TRA2B: variants seen among roughly 807,000 people sequenced by gnomAD.
TRA2B encodes transformer-2 protein homolog beta.
A neutral mutation model predicts 41.7 loss-of-function variants in TRA2B; 14 were observed. The observed-to-expected ratio is 0.34, with a 90% CI of 0.22 to 0.53. The LOEUF (loss-of-function observed/expected upper bound fraction) is 0.53. TRA2B is among the 20% of genes least tolerant of loss of function. The probability of loss-of-function intolerance (pLI) is 0.95; values close to 1 mark genes in which losing one functional copy is unlikely to be tolerated. For synonymous variants in TRA2B, 130 were observed against 128.8 expected, an observed-to-expected ratio of 1.01 and a Z score of -0.06; for missense variants, 167 against 396.8, an observed-to-expected ratio of 0.42 and a Z score of 4.92.
chr3:185,919,536 G>GT, intron 6 of TRA2B, 40 bp from the exon 7 acceptor site: 6 of 1,552,564 alleles, frequency 3.9e-6, no homozygotes, highest in South Asian at 1.2e-5. Flanking sequence ...CATTCAGTTT[G>GT]TAAGTTTTAA....
chr3:185,936,840 C>G, intron 1 of TRA2B: 2 of 985,370 alleles, frequency 2.0e-6, no homozygotes, highest in African/African-American at 3.5e-5. Flanking sequence ...CCCCACAGAC[C>G]AGCTACGTAT....
chr3:185,919,472 T>C lies in TRA2B; in HGVS notation c.747A>G (p.Gly249=). 6.3e-7 allele frequency: 1 copy of C among 1,594,888 alleles called. No individual in the cohort carries two copies. Among genetic ancestry groups the C allele is most frequent in the East Asian group, 2.3e-5 (1 of 44,304 alleles). The change falls in exon 7 of 9, where the codon GGA becomes GGG. Residue 249 remains glycine (G), a synonymous_variant. Coordinates refer to ENST00000453386, the MANE Select transcript of TRA2B (RefSeq NM_004593.3). ...GATCCCTGTCTTGGGCAGCTCTCCA[T>C]CCTCCTCCTCCTCCACCTCCTCCTC... ...SYRGGGGGGG[G]WRAAQDRDQI... is the part of the protein sequence containing the mutation.
intron 1 of TRA2B, chr3:185,927,365 T>G (rs910644021): frequency 4.6e-5 from 7 of 152,176 alleles, no homozygotes; most frequent in Non-Finnish European, 2.9e-5. Flanking sequence ...CCTAAAAAAC[T>G]GAAAGCAACC....
At chr3:185,934,967 C>G in intron 1 of TRA2B, 1 of 985,336 alleles carries the variant, frequency 1.0e-6, no homozygotes. Flanking sequence ...TTCTGGATTC[C>G]TTTAGTAAAG....
rs932727213 is a variant in TRA2B at position 185,919,285 on chromosome 3, T to C, written c.782+152A>G. The C allele has an allele frequency of 2.2e-5, 12 of 554,156 alleles. No homozygotes were observed. The East Asian group carries it at 2.3e-4, about 11-fold the overall frequency. 34.3% of individuals were successfully genotyped at this position (554,156 alleles called of 1,614,324 possible). A position where few individuals can be genotyped will look rare whatever the true frequency, so the allele number is the denominator to read the frequency against. ...AATTTTTATAAATATACAAAGACTT[T>C]ATACATTTAGTTTCCGTTAGAATAT... On this transcript the variant is annotated intron_variant, in intron 7 of 8. Coordinates refer to ENST00000453386, the MANE Select transcript of TRA2B (RefSeq NM_004593.3).
chr3:185,935,128 T>A, intron 1 of TRA2B: 1 of 985,430 alleles, frequency 1.0e-6, no homozygotes, highest in Admixed American at 6.1e-5. Flanking sequence ...TTATTCAACT[T>A]CTTGTAATTG....
chr3:185,928,424 A>T (rs1295461060), intron 1 of TRA2B: 1 of 152,210 alleles, frequency 6.6e-6, no homozygotes, highest in Non-Finnish European at 1.5e-5. Flanking sequence ...AAAGAAAAAT[A>T]TATGAACAGC....
At chr3:185,929,192 G>T (rs1744060602) in intron 1 of TRA2B, 4 of 152,320 alleles carry the variant, frequency 2.6e-5, no homozygotes, top group Admixed American at 2.6e-4. Flanking sequence ...TTTTCTTAAA[G>T]AAGTTAAAGC....
chr3:185,936,037 G>T (rs541858210), intron 1 of TRA2B: 1 of 985,206 alleles, frequency 1.0e-6, no homozygotes, highest in Non-Finnish European at 1.2e-6. Context: ...GTCTCAAACT[G>T]GAACCTAGTT....
chr3:185,927,486 G>A (rs1277578123), intron 1 of TRA2B: 1 of 152,142 alleles, frequency 6.6e-6, no homozygotes, highest in East Asian at 1.9e-4. Context: ...GCAAACTTAT[G>A]GAAAACCAGG....
chr3:185,929,772 T>C (rs1327445385), intron 1 of TRA2B, among the ~76,000 whole-genome samples: 2 of 152,214 alleles, frequency 1.3e-5, no homozygotes, highest in Admixed American at 6.5e-5. Flanking sequence ...TCATAAACAC[T>C]GCATCTCTTA....
At position 185,935,407 on chromosome 3, in the gene TRA2B, T is replaced by C. The variant is rs574765776; in HGVS notation, c.36+2418A>G. On this transcript the variant is annotated intron_variant, in intron 1 of 8. Transcript: ENST00000453386. Reference sequence around the variant, plus strand: ...GAGGGACACACCAGTTCTTTAAATGTCATTATATTCACCCAAATGTATTCT... The same window carrying C: ...GAGGGACACACCAGTTCTTTAAATGCCATTATATTCACCCAAATGTATTCT... 8.0e-5 allele frequency: 79 copies of C among 985,366 alleles called. No homozygotes were observed. The African/African-American group carries it at 1.3e-3, about 17-fold the overall frequency. 61.0% of individuals were successfully genotyped at this position (985,366 alleles called of 1,614,324 possible).
intron 1 of TRA2B, chr3:185,931,828 C>T: frequency 2.7e-6 from 4 of 1,505,958 alleles, no homozygotes; most frequent in South Asian, 2.6e-5. Context: ...TGACGACTTC[C>T]GCATTTTCCT....
intron 7 of TRA2B, among the ~76,000 whole-genome samples, chr3:185,918,987 T>C (rs1026924642): frequency 6.6e-6 from 1 of 152,086 alleles, no homozygotes; most frequent in Admixed American, 6.5e-5. Context: ...AAATTAAAAA[T>C]AAAAATGAGA....
intron 1 of TRA2B, chr3:185,937,216 G>T: frequency 1.0e-6 from 1 of 985,758 alleles, no homozygotes; most frequent in Non-Finnish European, 1.2e-6. Context: ...CCAGAACTTA[G>T]TCGGCCTTGG....
intron 1 of TRA2B, chr3:185,934,806 ATGC>A (rs1744285651): frequency 1.0e-6 from 1 of 985,346 alleles, no homozygotes; most frequent in African/African-American, 1.7e-5. Flanking sequence ...TGGTGTCCAG[ATGC>A]TGCTATTCAT....
Position 185,922,130 on chromosome 3 carries a change from C to A in TRA2B, c.523-4G>T. On this transcript the variant is annotated splice_region_variant and splice_polypyrimidine_tract_variant and intron_variant, in intron 4 of 8. Coordinates refer to ENST00000453386, the MANE Select transcript of TRA2B (RefSeq NM_004593.3). ...TTCCATTGGCACGTTCTTTAGCCTT[C>A]AAAAGGTAAATAAATTGTTACATAC... 6.2e-7 allele frequency: 1 copy of A among 1,608,610 alleles called. No individual in the cohort carries two copies. The highest frequency in any genetic ancestry group is 1.1e-5 in the South Asian group (1 of 90,388).
In TRA2B at chr3:185,921,220, TTATC is replaced by T. The variant is rs767794339; in HGVS notation, c.639-37_639-34del. The T allele has an allele frequency of 2.5e-6, 4 of 1,594,686 alleles. No homozygotes were observed. In the South Asian group the frequency reaches 4.4e-5, roughly 18 times the overall value. ...GAAAAAAATATTCAGGTGACCTCCC[TTATC>T]TTTCTGGACATGAGTTTTTATATCT... is the stretch of plus-strand genomic sequence containing the variant. On this transcript the variant is annotated intron_variant, in intron 5 of 8. Coordinates refer to ENST00000453386, the MANE Select transcript of TRA2B (RefSeq NM_004593.3).
At chr3:185,932,228 A>G (rs527744859) in intron 1 of TRA2B, among the ~76,000 whole-genome samples, 19 of 152,344 alleles carry the variant, frequency 1.2e-4, no homozygotes, top group Admixed American at 3.3e-4. Context: ...ACATTAATAC[A>G]TAAGTGCATG....
Sources: gnomAD v4.1 joint callset for allele counts (sites outside exome capture counted in the v4.1 genomes callset) on GRCh38, gnomAD v4.1.1 for gene constraint, MANE v1.5 for transcripts, NCBI Gene and HGNC (gene_info 2026-07-23, HGNC 2026-07-21) for gene names.